The following OSBPL3 variants were observed in gnomAD, a reference collection of about 807,000 sequenced individuals.
OSBPL3 encodes oxysterol binding protein like 3.
OSBPL3 carries 65 observed loss-of-function variants against 120.1 expected under a neutral mutation model. The observed-to-expected ratio is 0.54, with a 90% CI of 0.44 to 0.67. OSBPL3 has a LOEUF of 0.67. Among genes scored for constraint, OSBPL3 ranks in the 30% least tolerant of loss-of-function variants. The pLI is 0.00. For synonymous variants in OSBPL3, 416 were observed against 402.6 expected (o/e 1.03, Z -0.40); for missense variants, 1,004 against 1,082.1 (o/e 0.93, Z 1.01).
Position 24,913,550 on chromosome 7 carries a change from C to T in OSBPL3, c.-149-20929G>A, listed in dbSNP as rs533119285. 1.1e-3 allele frequency among the ~76,000 whole-genome samples: 164 copies of T among 152,076 alleles called. 1 individual carries two copies. The South Asian group carries it at 0.011, about 10-fold the overall frequency. ...TGGGGGCCAATCAGCTGACAAAGGC[C>T]GGTATGTGTCTGATAGTGACAGACA... On this transcript the variant is annotated intron_variant, in intron 1 of 22. Transcript: ENST00000313367. This position sits in a 1 kb window ranked among gnomAD's most constrained non-coding sequence, Gnocchi z 5.3.
chr7:24,919,795 T>C (rs1417075254), intron 1 of OSBPL3, among the ~76,000 whole-genome samples: 2 of 149,860 alleles, frequency 1.3e-5, no homozygotes, highest in Non-Finnish European at 3.0e-5. Context: ...TAAAGAACTC[T>C]TACAACTCAA....
rs1268154777 is a variant in OSBPL3 at position 24,840,881 on chromosome 7, C to A, written c.1402-98G>T. On this transcript the variant is annotated intron_variant, in intron 13 of 22. Coordinates refer to ENST00000313367, the MANE Select transcript of OSBPL3 (RefSeq NM_015550.4). ...CTAAATGATCAAACATGTTGAGTCTCACAGTACAAATACTCTTGGGTACTG... is the reference window on the plus strand; with the variant it reads ...CTAAATGATCAAACATGTTGAGTCTAACAGTACAAATACTCTTGGGTACTG... The A allele has an allele frequency of 2.2e-5, 14 of 630,386 alleles. No homozygotes were observed. In the East Asian group the frequency reaches 3.9e-4, roughly 18 times the overall value. The allele number at this position is 630,386 out of a possible 1,614,324, so 39.0% of individuals were successfully genotyped here.
chr7:24,917,484 CACACTT>C (rs1250171276), intron 1 of OSBPL3, among the ~76,000 whole-genome samples: 1 of 140,254 alleles, frequency 7.1e-6, no homozygotes, highest in Non-Finnish European at 1.5e-5. Flanking sequence ...CACACACACA[CACACTT>C]AAACAGGGAG....
In OSBPL3 at chr7:24,894,057, T is replaced by A. The variant is rs1805763636; in HGVS notation, c.-149-1436A>T. Among the ~76,000 whole-genome samples the A allele has an allele frequency of 6.6e-6, 1 of 152,140 alleles. No individual in the cohort carries two copies. Among genetic ancestry groups the A allele is most frequent in the Non-Finnish European group, 1.5e-5 (1 of 68,038 alleles). ...TAGTCTAATTATAAAAAGAAGAGTA[T>A]CATATATTTGTCTAGGAACCAGCTA... On this transcript the variant is annotated intron_variant, in intron 1 of 22. Coordinates refer to ENST00000313367, the MANE Select transcript of OSBPL3 (RefSeq NM_015550.4). This position sits in a 1 kb window ranked among gnomAD's most constrained non-coding sequence, Gnocchi z 4.1.
chr7:24,887,423 C>T (rs1386885179), intron 2 of OSBPL3, among the ~76,000 whole-genome samples: 1 of 152,206 alleles, frequency 6.6e-6, no homozygotes, highest in African/African-American at 2.4e-5. Context: ...GCTTCCAGAA[C>T]TGGCCAAAGT....
In OSBPL3 at chr7:24,811,628, T is replaced by C. The variant is rs146599612; in HGVS notation, c.2173-1677A>G. Among the ~76,000 whole-genome samples, 160 of 152,374 alleles carry C rather than the reference T, an allele frequency of 1.1e-3. 1 individual carries two copies. The highest frequency in any genetic ancestry group is 6.8e-3 in the Middle Eastern group (2 of 294). On this transcript the variant is annotated intron_variant, in intron 19 of 22. Transcript: ENST00000313367. Reference sequence around the variant, plus strand: ...CCTTATGTTTTTGTTTGAGTAGTTCTACAGTTTCAGGTCTTGCTGTAAGTC... The same window carrying C: ...CCTTATGTTTTTGTTTGAGTAGTTCCACAGTTTCAGGTCTTGCTGTAAGTC...
rs1812742235 is a variant in OSBPL3, at chr7:24,938,826, TG to T, written c.-150+41059del. On this transcript the variant is annotated intron_variant, in intron 1 of 22. Transcript: ENST00000313367. This position sits in a 1 kb window ranked among gnomAD's most constrained non-coding sequence, Gnocchi z 5.8. ...GTGTGTGTGTGTGTGTGTGTGTGTG[TG>T]TGTGTGTTTTGAGAGCAAAACTAAT... Among the ~76,000 whole-genome samples the T allele has an allele frequency of 1.3e-5, 2 of 149,192 alleles. No individual in the cohort carries two copies. The highest frequency in any genetic ancestry group is 4.9e-5 in the African/African-American group (2 of 40,418).
chr7:24,915,704 G>A (rs2128431307), intron 1 of OSBPL3, among the ~76,000 whole-genome samples: 1 of 152,022 alleles, frequency 6.6e-6, no homozygotes, highest in East Asian at 1.9e-4. Flanking sequence ...CTCCCAAGTA[G>A]CTGAAATTAC....
chr7:24,874,477 G>C (rs1302391348), intron 2 of OSBPL3, among the ~76,000 whole-genome samples: 1 of 152,132 alleles, frequency 6.6e-6, no homozygotes, highest in Non-Finnish European at 1.5e-5. Context: ...TGAAGAAAAA[G>C]TAGATAAGAT....
In OSBPL3 at chr7:24,800,063, C is replaced by T. The variant is rs562699726; in HGVS notation, c.*120G>A. ...AATATAGACTTAAAGAGTTACAATG[C>T]TAAGCTAAGCACAAGTGATCATCCT... On this transcript the variant is annotated 3_prime_UTR_variant, in exon 23 of 23. Transcript: ENST00000313367. 1.6e-3 allele frequency: 895 copies of T among 565,772 alleles called. 3 individuals carry two copies. Among genetic ancestry groups the T allele is most frequent in the Non-Finnish European group, 2.6e-3 (800 of 313,480 alleles). 35.0% of individuals were successfully genotyped at this position (565,772 alleles called of 1,614,324 possible).
intron 2 of OSBPL3, among the ~76,000 whole-genome samples, chr7:24,885,265 T>C (rs535242678): frequency 4.1e-4 from 62 of 152,064 alleles, no homozygotes; most frequent in African/African-American, 1.4e-3. Context: ...ACTAACCATT[T>C]TCAATACCCA....
intron 1 of OSBPL3, among the ~76,000 whole-genome samples, chr7:24,945,586 C>T (rs1427920837): frequency 1.3e-5 from 2 of 152,160 alleles, no homozygotes; most frequent in Non-Finnish European, 2.9e-5. Context: ...TGTGGTTGAA[C>T]ATGTTGAAAG....
intron 1 of OSBPL3, among the ~76,000 whole-genome samples, chr7:24,906,915 G>C (rs1808022936): frequency 6.6e-6 from 1 of 152,036 alleles, no homozygotes; most frequent in Non-Finnish European, 1.5e-5. Context: ...CCAGCCTGGT[G>C]TTGGCCCCTG....
At position 24,805,814 on chromosome 7, in the gene OSBPL3, A is replaced by AT. The variant is rs949449611; in HGVS notation, c.2444+961dup. On this transcript the variant is annotated intron_variant, in intron 21 of 22. Transcript: ENST00000313367. The surrounding 1 kb of genome is among the most constrained non-coding windows in gnomAD (Gnocchi z 4.0). ...AAAATGAATTTACCTCCCTATGTCC[A>AT]TTTTTTCTAATGGGTTGATCTGTTA... Among the ~76,000 whole-genome samples the AT allele has an allele frequency of 1.1e-4, 16 of 152,062 alleles. No individual in the cohort carries two copies. Among genetic ancestry groups the AT allele is most frequent in the Non-Finnish European group, 2.2e-4 (15 of 68,030 alleles).
chr7:24,864,028 T>C (rs1009944409), intron 7 of OSBPL3, among the ~76,000 whole-genome samples: 1 of 152,158 alleles, frequency 6.6e-6, no homozygotes, highest in Non-Finnish European at 1.5e-5. Context: ...TTAAATCCTG[T>C]AGTAATATGC....
In OSBPL3 at chr7:24,896,918, C is replaced by G. The variant is rs1726045159; in HGVS notation, c.-149-4297G>C. The stretch of plus-strand genomic sequence containing the variant: ...AAAACCCCATCTCTACTAAAAATAC[C>G]AAAATTAGCCGAGCATGGTGGTGCA... On this transcript the variant is annotated intron_variant, in intron 1 of 22. Coordinates refer to ENST00000313367, the MANE Select transcript of OSBPL3 (RefSeq NM_015550.4). This position sits in a 1 kb window ranked among gnomAD's most constrained non-coding sequence, Gnocchi z 4.4. 6.6e-6 allele frequency among the ~76,000 whole-genome samples: 1 copy of G among 151,858 alleles called. No homozygotes were observed.
chr7:24,853,713 C>G (rs530591285), intron 10 of OSBPL3, among the ~76,000 whole-genome samples: 2 of 152,072 alleles, frequency 1.3e-5, no homozygotes, highest in Non-Finnish European at 2.9e-5. Flanking sequence ...AAGAACAACA[C>G]GAGGTATGAA....
chr7:24,842,710 T>C (rs1175070168), intron 12 of OSBPL3, among the ~76,000 whole-genome samples: 1 of 152,220 alleles, frequency 6.6e-6, no homozygotes, highest in Non-Finnish European at 1.5e-5. Context: ...AAAATTCCAG[T>C]GCTCTCTGAA....
At chr7:24,906,175 G>A (rs1412862560) in intron 1 of OSBPL3, 2 of 217,490 alleles carry the variant, frequency 9.2e-6, no homozygotes, top group African/African-American at 4.6e-5. Context: ...GGAGCAGGTA[G>A]GAGGTTCCAT....
Sources: gnomAD v4.1 joint callset for allele counts (sites outside exome capture counted in the v4.1 genomes callset) on GRCh38, gnomAD v4.1.1 for gene constraint, Gnocchi (gnomAD v3.1) non-coding constraint, MANE v1.5 for transcripts, NCBI Gene and HGNC (gene_info 2026-07-23, HGNC 2026-07-21) for gene names.